The following RNF2 variants were observed in gnomAD, a reference collection of about 807,000 sequenced individuals.
RNF2 encodes the protein ring finger protein 2, also known as E3 ubiquitin-protein ligase RING2.
Under a neutral mutation model 37.2 loss-of-function variants are expected in RNF2, and 6 were observed. That is an observed-to-expected ratio of 0.16 (90% CI 0.09 to 0.32). The LOEUF (loss-of-function observed/expected upper bound fraction) is 0.32, where lower values mean the gene tolerates loss of function less well. Ranked by LOEUF, RNF2 falls within the 10% of genes least tolerant of loss-of-function variation. RNF2 has a pLI of 1.00. For synonymous variants in RNF2, 133 were observed against 132.7 expected (o/e 1.00, Z -0.02); for missense variants, 251 against 404.0 (o/e 0.62, Z 3.25).
chr1:185,085,147 T>TC (rs979834242), intron 1 of RNF2, among the ~76,000 whole-genome samples: 8 of 107,344 alleles, frequency 7.5e-5, no homozygotes, highest in African/African-American at 3.1e-4. Context: ...TTCTTTTTCT[T>TC]TTTTTTTTTT....
chr1:185,089,314 C>T (rs889218622), intron 2 of RNF2, among the ~76,000 whole-genome samples: 80 of 152,274 alleles, frequency 5.3e-4, no homozygotes, highest in African/African-American at 1.8e-3. Flanking sequence ...GCCTGAGGTT[C>T]GGGACCCCTG....
intron 1 of RNF2, among the ~76,000 whole-genome samples, chr1:185,059,593 A>G (rs1650541052): frequency 6.6e-6 from 1 of 152,220 alleles, no homozygotes; most frequent in African/African-American, 2.4e-5. Context: ...TGCAGCAGAC[A>G]TCTTCATGTT....
In RNF2 at chr1:185,082,345, C is replaced by CTTTTTTTTTTTTTTTTTTTTT. The variant is rs3036553; in HGVS notation, c.-2-5205_-2-5185dup. 5.4e-3 allele frequency among the ~76,000 whole-genome samples: 386 copies of CTTTTTTTTTTTTTTTTTTTTT among 71,962 alleles called. 77 individuals carry two copies. Among genetic ancestry groups the CTTTTTTTTTTTTTTTTTTTTT allele is most frequent in the Non-Finnish European group, 8.3e-3 (288 of 34,586 alleles). 47.2% of individuals were successfully genotyped at this position (71,962 alleles called of 152,430 possible). On this transcript the variant is annotated intron_variant, in intron 1 of 6. Transcript: ENST00000367510. ...CAAGGTTCTTGTCTCCTCTGCAGAACTTTTTTTTTTTTTTTTTTTTTTGAA... is the reference window on the plus strand; with the variant it reads ...CAAGGTTCTTGTCTCCTCTGCAGAACTTTTTTTTTTTTTTTTTTTTTTTTTTTTTTTTTTTTTTTTTTTGAA...
chr1:185,088,617 A>G (rs1374023990), intron 2 of RNF2, among the ~76,000 whole-genome samples: 1 of 152,128 alleles, frequency 6.6e-6, no homozygotes, highest in Non-Finnish European at 1.5e-5. Context: ...GTTTAACACT[A>G]GTGACAGGCT....
In RNF2 at chr1:185,099,893, G is replaced by T; in HGVS notation, c.840G>T (p.Gln280His). 6.2e-7 allele frequency: 1 copy of T among 1,614,120 alleles called. No individual in the cohort carries two copies. Among genetic ancestry groups the T allele is most frequent in the Non-Finnish European group, 8.5e-7 (1 of 1,179,980 alleles). Residue 280 changes from glutamine (Q) to histidine (H), a missense_variant, in exon 6 of 7, where the codon CAG becomes CAT. Coordinates refer to ENST00000367510, the MANE Select transcript of RNF2 (RefSeq NM_007212.4). ...TTCGAAGCAAAGGTGAATCAAACCA[G>T]ATGAACCTTGATACAGCCAGTGAGA... ...EELRSKGESN[Q>H]MNLDTASEKQ...
At chr1:185,092,713 A>T (rs1651803542) in intron 3 of RNF2, among the ~76,000 whole-genome samples, 1 of 152,022 alleles carries the variant, frequency 6.6e-6, no homozygotes, top group Non-Finnish European at 1.5e-5. Context: ...ATAAATTAAC[A>T]TATATATATT....
At chr1:185,096,451 A>G (rs1651912916) in intron 4 of RNF2, among the ~76,000 whole-genome samples, 1 of 150,932 alleles carries the variant, frequency 6.6e-6, no homozygotes, top group South Asian at 2.1e-4. Flanking sequence ...CTAACTCCTC[A>G]TTTCTCCCTC....
chr1:185,050,143 G>A (rs61826108), intron 1 of RNF2, among the ~76,000 whole-genome samples: 1 of 152,184 alleles, frequency 6.6e-6, no homozygotes, highest in Admixed American at 6.5e-5. Flanking sequence ...CTGTGTTAAC[G>A]TTGCCTTTCA....
intron 1 of RNF2, among the ~76,000 whole-genome samples, chr1:185,075,537 A>C (rs1651120931): frequency 1.3e-5 from 2 of 152,164 alleles, no homozygotes; most frequent in Admixed American, 1.3e-4. Flanking sequence ...TAGAGAAAAG[A>C]GGTTTAGTTG....
intron 1 of RNF2, among the ~76,000 whole-genome samples, chr1:185,064,966 T>A (rs1650756661): frequency 6.6e-6 from 1 of 152,198 alleles, no homozygotes; most frequent in Admixed American, 6.5e-5. Flanking sequence ...TACAGTTTTG[T>A]GTGTATGTGT....
At position 185,054,369 on chromosome 1, in the gene RNF2, A is replaced by G. The variant is rs1370803037; in HGVS notation, c.-3+8720A>G. ...AGTGGCAGAGCCGTGTTTTGGCATC[A>G]GAAGCGACTCCGGAGAGGACGTGTC... On this transcript the variant is annotated intron_variant, in intron 1 of 6. Transcript: ENST00000367510. 2.0e-5 allele frequency among the ~76,000 whole-genome samples: 3 copies of G among 152,306 alleles called. No homozygotes were observed. The East Asian group carries it at 5.8e-4, about 29-fold the overall frequency.
At chr1:185,062,289 A>G (rs1650629351) in intron 1 of RNF2, among the ~76,000 whole-genome samples, 1 of 152,206 alleles carries the variant, frequency 6.6e-6, no homozygotes. Flanking sequence ...TATTGTTGAC[A>G]GTGTAGGAAG....
chr1:185,087,147 A>G (rs1418486066), intron 1 of RNF2, among the ~76,000 whole-genome samples: 2 of 152,070 alleles, frequency 1.3e-5, no homozygotes, highest in East Asian at 1.9e-4. Context: ...CAGTTTTGAG[A>G]TTTACTTCCT....
chr1:185,061,098 G>T (rs1182176064), intron 1 of RNF2, among the ~76,000 whole-genome samples: 1 of 151,616 alleles, frequency 6.6e-6, no homozygotes, highest in Non-Finnish European at 1.5e-5. Context: ...TCCACTCTGG[G>T]TGCTGGAGTG....
chr1:185,048,567 T>C (rs535287657), intron 1 of RNF2, among the ~76,000 whole-genome samples: 10 of 152,298 alleles, frequency 6.6e-5, no homozygotes, highest in African/African-American at 2.4e-4. Flanking sequence ...GGTTAAATTT[T>C]CTAATGAGAG....
At chr1:185,071,382 G>C (rs1031120124) in intron 1 of RNF2, among the ~76,000 whole-genome samples, 1 of 151,984 alleles carries the variant, frequency 6.6e-6, no homozygotes, top group African/African-American at 2.4e-5. Context: ...TGGGAGATAC[G>C]TGACCCTCTA....
intron 1 of RNF2, among the ~76,000 whole-genome samples, chr1:185,059,055 C>CA (rs1264747917): frequency 6.6e-6 from 1 of 152,150 alleles, no homozygotes; most frequent in East Asian, 1.9e-4. Context: ...GGCTTTCTTT[C>CA]AGCCTTTGAA....
chr1:185,081,958 G>A (rs1469791034), intron 1 of RNF2, among the ~76,000 whole-genome samples: 7 of 152,260 alleles, frequency 4.6e-5, no homozygotes, highest in East Asian at 1.9e-4. Context: ...CATGTTTGCC[G>A]TTGGGAAGTG....
chr1:185,078,782 C>T (rs1389178377), intron 1 of RNF2, among the ~76,000 whole-genome samples: 6 of 151,282 alleles, frequency 4.0e-5, no homozygotes, highest in South Asian at 2.1e-4. Context: ...TAGTGGCTCA[C>T]GCCTGTAATC....
Sources: gnomAD v4.1 joint callset for allele counts (sites outside exome capture counted in the v4.1 genomes callset) on GRCh38, gnomAD v4.1.1 for gene constraint, MANE v1.5 for transcripts, NCBI Gene and HGNC (gene_info 2026-07-23, HGNC 2026-07-21) for gene names.